Variants in CNDP1 observed in about 807,000 individuals in gnomAD.
CNDP1 encodes the protein beta-Ala-His dipeptidase.
CNDP1 carries 44 observed loss-of-function variants against 58.1 expected under a neutral mutation model. The observed-to-expected ratio is 0.76, with a 90% CI of 0.60 to 0.97. The LOEUF is 0.97. CNDP1 is among the 50% of genes least tolerant of loss of function. The pLI is 0.00. For missense variants in CNDP1, 616 were observed against 655.1 expected, an observed-to-expected ratio of 0.94 and a Z score of 0.65; for synonymous variants, 254 against 252.6, an observed-to-expected ratio of 1.01 and a Z score of -0.05.
intron 3 of CNDP1, among the ~76,000 whole-genome samples, 188 bp from the exon 4 acceptor site, chr18:74,560,668 G>A (rs1207303365): frequency 6.6e-6 from 1 of 151,846 alleles, no homozygotes; most frequent in Non-Finnish European, 1.5e-5. Flanking sequence ...TGGGCGACAG[G>A]AGTGAGACCT....
At chr18:74,559,931 T>C (rs911431619) in intron 3 of CNDP1, among the ~76,000 whole-genome samples, 2 of 152,062 alleles carry the variant, frequency 1.3e-5, no homozygotes, top group African/African-American at 4.8e-5. Context: ...CTGCGCTTAC[T>C]TTAGCACTGA....
chr18:74,535,411 C>T (rs1322531299), intron 1 of CNDP1, among the ~76,000 whole-genome samples: 1 of 152,118 alleles, frequency 6.6e-6, no homozygotes. Context: ...CATGCAAATG[C>T]GAGGCTGGAG....
chr18:74,564,528 C>A (rs775347002), intron 5 of CNDP1, among the ~76,000 whole-genome samples: 29 of 152,174 alleles, frequency 1.9e-4, no homozygotes, highest in Middle Eastern at 3.2e-3. Flanking sequence ...CGAGGCTTAA[C>A]AATCTTTCAA....
rs536126069 is a variant in CNDP1 at position 74,536,815 on chromosome 18, G to T, written c.24+2124G>T. ...ACCTCACTTGCATCTGTTATTTTTT[G>T]ACTTTTTAATACAGTTGTTTGATGT... is the stretch of plus-strand genomic sequence containing the variant. On this transcript the variant is annotated intron_variant, in intron 1 of 11. Transcript: ENST00000358821. 3.3e-5 allele frequency among the ~76,000 whole-genome samples: 5 copies of T among 152,130 alleles called. No homozygotes were observed. The South Asian group carries it at 1.0e-3, about 32-fold the overall frequency.
chr18:74,568,252 C>T (rs756730667), intron 6 of CNDP1, among the ~76,000 whole-genome samples: 6 of 152,334 alleles, frequency 3.9e-5, no homozygotes, highest in Non-Finnish European at 7.3e-5. Context: ...CACGGAAACA[C>T]ACATGGCTAT....
chr18:74,550,751 T>G (rs149137425), intron 1 of CNDP1, among the ~76,000 whole-genome samples: 1,617 of 150,742 alleles, frequency 0.011, 19 homozygotes, highest in Non-Finnish European at 0.013. Flanking sequence ...TATTTTTTTT[T>G]TTTGTTTTTT....
At chr18:74,556,918 T>G (rs1039518600) in intron 2 of CNDP1, among the ~76,000 whole-genome samples, 30 of 152,210 alleles carry the variant, frequency 2.0e-4, no homozygotes, top group African/African-American at 2.4e-5. Context: ...ATTCATTCAA[T>G]TTATTTATTT....
chr18:74,536,112 A>G (rs192316163), intron 1 of CNDP1, among the ~76,000 whole-genome samples: 32 of 152,298 alleles, frequency 2.1e-4, no homozygotes, highest in African/African-American at 5.3e-4. Context: ...ATTGTACTAT[A>G]TATTTTCCCC....
At chr18:74,551,361 A>AACACACACACACACACACACAC (rs74178982) in intron 1 of CNDP1, among the ~76,000 whole-genome samples, 2 of 148,078 alleles carry the variant, frequency 1.4e-5, no homozygotes, top group South Asian at 4.3e-4. Flanking sequence ...GCACAACTGT[A>AACACACACACACACACACACAC]ACACACACAC....
chr18:74,581,797 T>C (rs1261969113), intron 10 of CNDP1, among the ~76,000 whole-genome samples: 2 of 152,198 alleles, frequency 1.3e-5, no homozygotes, highest in Middle Eastern at 3.2e-3. Context: ...GAATGGGGGC[T>C]CTTCCCAAAG....
At chr18:74,565,511 C>T (rs1981304477) in intron 5 of CNDP1, among the ~76,000 whole-genome samples, 1 of 152,146 alleles carries the variant, frequency 6.6e-6, no homozygotes, top group African/African-American at 2.4e-5. Flanking sequence ...ATAGCTGTTC[C>T]AAATGGGAGA....
chr18:74,577,907 C>T (rs1457382380), intron 8 of CNDP1: 3 of 352,444 alleles, frequency 8.5e-6, no homozygotes, highest in Non-Finnish European at 1.5e-5. Flanking sequence ...CATTTGTTAA[C>T]TGAAAACTGC....
At chr18:74,538,353 A>G (rs1396178841) in intron 1 of CNDP1, among the ~76,000 whole-genome samples, 1 of 152,236 alleles carries the variant, frequency 6.6e-6, no homozygotes, top group Non-Finnish European at 1.5e-5. Context: ...ATGTCATAGC[A>G]TATATCAGGA....
chr18:74,568,442 C>A (rs562836828), intron 6 of CNDP1, among the ~76,000 whole-genome samples: 1 of 152,136 alleles, frequency 6.6e-6, no homozygotes, highest in Admixed American at 6.5e-5. Context: ...CTCTAGAACC[C>A]GCTTTCAAGA....
At chr18:74,584,261 GAA>G (rs1419397822) in intron 11 of CNDP1, 3 of 517,362 alleles carry the variant, frequency 5.8e-6, no homozygotes, top group African/African-American at 5.7e-5. Context: ...AGAAATCAAG[GAA>G]AATTCACTTT....
At chr18:74,580,925 T>A (rs1402621407) in intron 10 of CNDP1, among the ~76,000 whole-genome samples, 1 of 152,136 alleles carries the variant, frequency 6.6e-6, no homozygotes, top group African/African-American at 2.4e-5. Context: ...GCTATGATCA[T>A]GCCACTGCCC....
At position 74,557,220 on chromosome 18, in the gene CNDP1, CT is replaced by C. The variant is rs1599092339; in HGVS notation, c.153+761del. Among the ~76,000 whole-genome samples, 5 of 150,310 alleles carry C rather than the reference CT, an allele frequency of 3.3e-5. No homozygotes were observed. In the East Asian group the frequency reaches 1.0e-3, roughly 30 times the overall value. The stretch of plus-strand genomic sequence containing the variant: ...GGTGTGAGCCACCATGCCTGGCCCT[CT>C]TTTTTTCTGTTATTTTTTGAGACAG... On this transcript the variant is annotated intron_variant, in intron 2 of 11. Transcript: ENST00000358821.
intron 9 of CNDP1, 149 bp from the exon 10 acceptor site, chr18:74,579,981 A>G: frequency 2.9e-6 from 2 of 694,072 alleles, no homozygotes; most frequent in Non-Finnish European, 4.8e-6. Flanking sequence ...GAAAATCACA[A>G]CACTTGCGTG....
chr18:74,534,774 T>A, intron 1 of CNDP1, 83 bp downstream of exon 1: 1 of 1,548,168 alleles, frequency 6.5e-7, no homozygotes, highest in Non-Finnish European at 8.9e-7. Context: ...TTAAGCCCAG[T>A]TGGGCAGGGC....
Sources: gnomAD v4.1 joint callset for allele counts (sites outside exome capture counted in the v4.1 genomes callset) on GRCh38, gnomAD v4.1.1 for gene constraint, MANE v1.5 for transcripts, NCBI Gene and HGNC (gene_info 2026-07-23, HGNC 2026-07-21) for gene names.